The following ZNF44 variants were observed in gnomAD, a reference collection of about 807,000 sequenced individuals.
The protein encoded by ZNF44 is zinc finger protein 44.
ZNF44 carries 9 observed loss-of-function variants against 11.7 expected under a neutral mutation model. That is an observed-to-expected ratio of 0.77 (90% CI 0.46 to 1.35). The LOEUF is 1.35. ZNF44 is among the 40% of genes most tolerant of loss of function. The pLI, the probability that ZNF44 is intolerant of heterozygous loss-of-function variation, is 0.00. For synonymous variants in ZNF44, 224 were observed against 242.7 expected (o/e 0.92, Z 0.72); for missense variants, 696 against 743.1 (o/e 0.94, Z 0.74).
chr19:12,293,636 G>T (rs1466228372), intron 1 of ZNF44, among the ~76,000 whole-genome samples: 1 of 152,112 alleles, frequency 6.6e-6, no homozygotes, highest in Non-Finnish European at 1.5e-5. Context: ...CTGACAAAGG[G>T]TTCATAACGT....
intron 1 of ZNF44, among the ~76,000 whole-genome samples, chr19:12,280,464 T>TAA (rs1225773879): frequency 2.0e-5 from 3 of 151,960 alleles, no homozygotes; most frequent in African/African-American, 7.3e-5. Context: ...AAAAGTAGAC[T>TAA]ATATAGATAT....
Position 12,272,627 on chromosome 19 carries a change from C to T in ZNF44, c.1628G>A (p.Trp543Ter). ...ECKQCRKAFFWPSFLLRHERT... is the reference protein window; with the variant it reads ...ECKQCRKAFF Reference sequence around the variant, plus strand: ...TTCATGTCTTAGAAGGAAAGAGGGCCAAAAGAATGCTTTCCTGCATTGCTT... The same window carrying T: ...TTCATGTCTTAGAAGGAAAGAGGGCTAAAAGAATGCTTTCCTGCATTGCTT... Residue 543 changes from tryptophan (W) to a stop codon, truncating the protein, a stop_gained, in exon 4 of 4, where the codon TGG becomes TAG. Coordinates refer to ENST00000355684, the MANE Select transcript of ZNF44 (RefSeq NM_016264.4). LOFTEE classifies it low-confidence loss of function (END_TRUNC). 1 of 1,611,346 alleles carries T rather than the reference C, an allele frequency of 6.2e-7. No homozygotes were observed. Among genetic ancestry groups the T allele is most frequent in the Non-Finnish European group, 8.5e-7 (1 of 1,178,912 alleles).
At position 12,228,986 on chromosome 19, in the gene ZNF44, C is replaced by G. The variant is rs143375916; in HGVS notation, n.436+1474G>C. Reference sequence around the variant, plus strand: ...CAAACAAAAACATATGCTGGTAACTCTTAAGACAGTTCTAACTTTACTGTA... The same window carrying G: ...CAAACAAAAACATATGCTGGTAACTGTTAAGACAGTTCTAACTTTACTGTA... On this transcript the variant is annotated intron_variant and non_coding_transcript_variant, in intron 3 of 3. Coordinates refer to the ZNF44 transcript ENST00000597563. 1.5e-4 allele frequency among the ~76,000 whole-genome samples: 23 copies of G among 152,280 alleles called. 2 individuals carry two copies. Among genetic ancestry groups the G allele is most frequent in the African/African-American group, 5.5e-4 (23 of 41,552 alleles).
intron 5 of ZNF44, among the ~76,000 whole-genome samples, chr19:12,259,687 G>A (rs1917414391): frequency 6.6e-6 from 1 of 152,148 alleles, no homozygotes; most frequent in Non-Finnish European, 1.5e-5. Flanking sequence ...TCATCAGGGT[G>A]AAGCACCTCC....
At chr19:12,247,522 C>A, downstream of ZNF44, 1 of 1,350,318 alleles carries the variant, frequency 7.4e-7, no homozygotes, top group South Asian at 1.2e-5. Context: ...TGTTTACATT[C>A]ATAAGGTTTC....
chr19:12,234,868 TTCACA>T (rs955000725), exon 2 of ZNF44: 9 of 152,336 alleles, frequency 5.9e-5, no homozygotes, highest in African/African-American at 2.2e-4. Flanking sequence ...TTCATGAGAG[TTCACA>T]CTGAAGCGGT....
exon 8 of ZNF44, chr19:12,248,458 C>G: frequency 7.7e-7 from 1 of 1,290,768 alleles, no homozygotes; most frequent in Non-Finnish European, 1.0e-6. Flanking sequence ...TATGGCTTCT[C>G]TCCATATTCC....
At chr19:12,262,398 G>A (rs1917543829) in intron 5 of ZNF44, among the ~76,000 whole-genome samples, 1 of 151,986 alleles carries the variant, frequency 6.6e-6, no homozygotes, top group Non-Finnish European at 1.5e-5. Context: ...AGCCTCCCGA[G>A]TAGCTGAGAT....
chr19:12,230,721 A>G (rs563657460), intron 2 of ZNF44, among the ~76,000 whole-genome samples: 1 of 152,196 alleles, frequency 6.6e-6, no homozygotes, highest in Admixed American at 6.5e-5. Flanking sequence ...AGAGGAAAGA[A>G]ACACGAAATG....
At chr19:12,265,215 G>A (rs926345456) in intron 5 of ZNF44, among the ~76,000 whole-genome samples, 2 of 151,968 alleles carry the variant, frequency 1.3e-5, no homozygotes, top group Non-Finnish European at 2.9e-5. Flanking sequence ...AGACCAGCCT[G>A]GGCAACATAA....
chr19:12,270,843 G>C (rs1278695550), downstream of ZNF44, among the ~76,000 whole-genome samples: 1 of 152,156 alleles, frequency 6.6e-6, no homozygotes, highest in African/African-American at 2.4e-5. Flanking sequence ...AATTGCAGAT[G>C]CAACTGTGCT....
chr19:12,280,493 T>G (rs1967432763), intron 1 of ZNF44, among the ~76,000 whole-genome samples: 1 of 151,424 alleles, frequency 6.6e-6, no homozygotes, highest in African/African-American at 2.4e-5. Flanking sequence ...GAAAATAAAA[T>G]CATATAGAAT....
intron 1 of ZNF44, chr19:12,293,094 C>A (rs930461237): frequency 4.0e-6 from 4 of 1,011,672 alleles, no homozygotes; most frequent in Non-Finnish European, 5.5e-6. Context: ...GGTCTTGAAC[C>A]CCTGACCTCA....
intron 5 of ZNF44, chr19:12,260,383 G>T (rs1568434081): frequency 7.3e-7 from 1 of 1,372,988 alleles, no homozygotes; most frequent in Admixed American, 2.0e-5. Context: ...AAGAATGCTG[G>T]CGTCACGCTC....
intron 5 of ZNF44, among the ~76,000 whole-genome samples, chr19:12,264,130 G>A: frequency 6.9e-6 from 1 of 143,960 alleles, no homozygotes; most frequent in East Asian, 1.9e-4. Context: ...TCTAAAAACA[G>A]GCCCAAGGAA....
exon 8 of ZNF44, chr19:12,247,737 T>C (rs959758101): frequency 7.5e-7 from 1 of 1,332,128 alleles, no homozygotes; most frequent in African/African-American, 1.5e-5. Context: ...TTGAGCTGAG[T>C]AGTAGTATCT....
intron 5 of ZNF44, among the ~76,000 whole-genome samples, chr19:12,256,380 T>C (rs1228566395): frequency 6.6e-6 from 1 of 151,928 alleles, no homozygotes; most frequent in Non-Finnish European, 1.5e-5. Flanking sequence ...TCCCAGCTAC[T>C]CAGGAGGCTG....
intron 1 of ZNF44, among the ~76,000 whole-genome samples, chr19:12,282,980 C>T (rs532473587): frequency 5.3e-5 from 8 of 152,266 alleles, no homozygotes; most frequent in South Asian, 4.1e-4. Flanking sequence ...ATGACAATTC[C>T]GGTATGAATA....
chr19:12,265,235 C>T (rs953060298), intron 5 of ZNF44, among the ~76,000 whole-genome samples: 30 of 152,074 alleles, frequency 2.0e-4, no homozygotes, highest in African/African-American at 6.7e-4. Context: ...AAGAGGCACG[C>T]TCTCTACAAA....
Sources: allele counts gnomAD v4.1 joint callset (sites outside exome capture counted in the v4.1 genomes callset), GRCh38; gene constraint gnomAD v4.1.1; transcripts MANE v1.5; gene names NCBI Gene and HGNC (gene_info 2026-07-23, HGNC 2026-07-21).